The following CBX3 variants were observed in gnomAD, a reference collection of about 807,000 sequenced individuals.
CBX3 encodes the protein chromobox protein homolog 3.
In CBX3, 5 loss-of-function variants were observed where a neutral mutation model predicts 22.6. The observed-to-expected ratio is 0.22, with a 90% CI of 0.12 to 0.47. The LOEUF is 0.47. Among genes scored for constraint, CBX3 ranks in the 20% least tolerant of loss-of-function variants. CBX3 has a pLI of 0.99. For synonymous variants in CBX3, 50 were observed against 66.6 expected, an observed-to-expected ratio of 0.75 and a Z score of 1.21; for missense variants, 83 against 208.1, an observed-to-expected ratio of 0.40 and a Z score of 3.70.
chr7:26,211,113 C>A (rs2128138678), intron 4 of CBX3, among the ~76,000 whole-genome samples: 1 of 149,834 alleles, frequency 6.7e-6, no homozygotes, highest in African/African-American at 2.5e-5. Context: ...AAGAAAGTTT[C>A]AATGTTTTAA....
chr7:26,213,140 A>G lies in CBX3; in HGVS notation c.*932A>G, dbSNP rs1784848357. On this transcript the variant is annotated 3_prime_UTR_variant, in exon 6 of 6. Coordinates refer to ENST00000396386, the MANE Select transcript of CBX3 (RefSeq NM_016587.4). ...TAGGACCTGCTGTCATAAATGTGTGAACAACCTTTTGTAACCTAACCTATT... is the reference window on the plus strand; with the variant it reads ...TAGGACCTGCTGTCATAAATGTGTGGACAACCTTTTGTAACCTAACCTATT... 1 of 152,612 alleles carries G rather than the reference A, an allele frequency of 6.6e-6. No individual in the cohort carries two copies. The highest frequency in any genetic ancestry group is 6.5e-5 in the Admixed American group (1 of 15,280). 9.5% of individuals were successfully genotyped at this position (152,612 alleles called of 1,614,324 possible).
rs142550836 is a variant in CBX3, at chr7:26,208,519, A to G, written c.294A>G (p.Glu98=). ...AAAGAAAATCTTTATCTGACAGTGA[A>G]TCTGATGACAGCAAATCAAAGAAGA... is the stretch of plus-strand genomic sequence containing the variant. ...GTKRKSLSDS[E]SDDSKSKKKR... Residue 98 remains glutamate, a synonymous_variant, in exon 4 of 6, where the codon GAA becomes GAG. Transcript: ENST00000396386. 1,147 of 1,613,796 alleles carry G rather than the reference A, an allele frequency of 7.1e-4. 1 individual carries two copies. Among genetic ancestry groups the G allele is most frequent in the Non-Finnish European group, 9.3e-4 (1,098 of 1,179,766 alleles).
In CBX3 at chr7:26,212,661, C is replaced by T. The variant is rs1367698907; in HGVS notation, c.*453C>T. 1.3e-5 allele frequency: 2 copies of T among 151,406 alleles called. No individual in the cohort carries two copies. The highest frequency in any genetic ancestry group is 4.9e-5 in the African/African-American group (2 of 41,120). 9.4% of individuals were successfully genotyped at this position (151,406 alleles called of 1,614,324 possible). On this transcript the variant is annotated 3_prime_UTR_variant, in exon 6 of 6. Transcript: ENST00000396386. ...TTTTTTTTTGTTTTTAAGCATTCAC[C>T]CAAACAAAAAAATCACAGGTAAACC...
At position 26,202,983 on chromosome 7, in the gene CBX3, A is replaced by T. The variant is rs757898551; in HGVS notation, c.-16A>T. On this transcript the variant is annotated 5_prime_UTR_variant, in exon 2 of 6. Transcript: ENST00000396386. The stretch of plus-strand genomic sequence containing the variant: ...TGCATTTTTCTAGTAATAGCTCTTC[A>T]AGTCTGCAATAAAAAATGGCCTCCA... 11 of 1,604,022 alleles carry T rather than the reference A, an allele frequency of 6.9e-6. No homozygotes were observed. In the South Asian group the frequency reaches 1.2e-4, roughly 18 times the overall value.
intron 4 of CBX3, among the ~76,000 whole-genome samples, chr7:26,210,781 T>C (rs1363836832): frequency 1.3e-5 from 2 of 152,182 alleles, no homozygotes; most frequent in Middle Eastern, 3.2e-3. Flanking sequence ...TCAACATGTG[T>C]CTTAAGGCAA....
chr7:26,209,186 C>T (rs1784750371), intron 4 of CBX3, among the ~76,000 whole-genome samples: 1 of 152,024 alleles, frequency 6.6e-6, no homozygotes, highest in Non-Finnish European at 1.5e-5. Flanking sequence ...GGATTACAGG[C>T]GTGAACCACC....
rs1321731481 is a variant in CBX3 at position 26,208,575 on chromosome 7, C to G, written c.330+20C>G. The G allele has an allele frequency of 1.9e-6, 3 of 1,560,150 alleles. No homozygotes were observed. In the African/African-American group the frequency reaches 4.1e-5, roughly 21 times the overall value. On this transcript the variant is annotated intron_variant, in intron 4 of 5. Coordinates refer to ENST00000396386, the MANE Select transcript of CBX3 (RefSeq NM_016587.4). The stretch of plus-strand genomic sequence containing the variant: ...GATGCTGTAAGTATAAAATATTGCC[C>G]ACCAGCTTGTCCTTTTGTAAAAGGT...
rs1268386074 is a variant in CBX3, at chr7:26,213,387, C to T, written c.*1179C>T. ...AGACTTTTTTCTTTATTTGATATGC[C>T]TTTACAGTAGAAATAGAAATGCCCA... On this transcript the variant is annotated 3_prime_UTR_variant, in exon 6 of 6. Coordinates refer to ENST00000396386, the MANE Select transcript of CBX3 (RefSeq NM_016587.4). 2 of 145,134 alleles carry T rather than the reference C, an allele frequency of 1.4e-5. No individual in the cohort carries two copies. The highest frequency in any genetic ancestry group is 3.1e-5 in the Non-Finnish European group (2 of 64,720). The allele number at this position is 145,134 out of a possible 1,614,324, so 9.0% of individuals were successfully genotyped here.
At position 26,212,858 on chromosome 7, in the gene CBX3, T is replaced by C. The variant is rs1462919751; in HGVS notation, c.*650T>C. The C allele has an allele frequency of 6.6e-6, 1 of 152,280 alleles. No individual in the cohort carries two copies. The highest frequency in any genetic ancestry group is 6.5e-5 in the Admixed American group (1 of 15,290). The allele number at this position is 152,280 out of a possible 1,614,324, so 9.4% of individuals were successfully genotyped here. ...AATTGCAGTGGTTTATTTGCAAAAT[T>C]CCTAAAAGGAAAAATTTTATCACTG... On this transcript the variant is annotated 3_prime_UTR_variant, in exon 6 of 6. Transcript: ENST00000396386.
At chr7:26,207,089 T>G (rs1462652299) in intron 3 of CBX3, among the ~76,000 whole-genome samples, 1 of 152,224 alleles carries the variant, frequency 6.6e-6, no homozygotes, top group Non-Finnish European at 1.5e-5. Context: ...GGGTTTGTTG[T>G]GCTTATCTGC....
intron 3 of CBX3, 126 bp from the exon 4 acceptor site, chr7:26,208,267 A>G: frequency 1.6e-6 from 1 of 640,136 alleles, no homozygotes; most frequent in Non-Finnish European, 2.5e-6. Flanking sequence ...GAAGGAGGAA[A>G]TGATTAGTAT....
intron 2 of CBX3, among the ~76,000 whole-genome samples, chr7:26,204,798 T>C (rs1003673676): frequency 6.6e-6 from 1 of 152,136 alleles, no homozygotes; most frequent in Non-Finnish European, 1.5e-5. Context: ...TTTGTTTTTG[T>C]GTTTTTTTGA....
intron 2 of CBX3, among the ~76,000 whole-genome samples, chr7:26,204,316 T>C (rs1398712249): frequency 2.0e-5 from 3 of 152,218 alleles, no homozygotes; most frequent in African/African-American, 7.2e-5. Flanking sequence ...TCTCCCTTTG[T>C]GGCAGTAGCT....
chr7:26,206,131 G>A, intron 2 of CBX3: 1 of 406,880 alleles, frequency 2.5e-6, no homozygotes, highest in Non-Finnish European at 4.3e-6. Flanking sequence ...TTTCCAGATA[G>A]TGTTTTTTTA....
At chr7:26,211,091 A>C (rs1325508411) in intron 4 of CBX3, among the ~76,000 whole-genome samples, 1 of 152,040 alleles carries the variant, frequency 6.6e-6, no homozygotes, top group Non-Finnish European at 1.5e-5. Context: ...AAAAAAAAAA[A>C]AAAAAAATCG....
intron 5 of CBX3, 88 bp from the exon 6 acceptor site, chr7:26,211,994 G>A: frequency 2.4e-6 from 3 of 1,227,598 alleles, no homozygotes; most frequent in Non-Finnish European, 3.3e-6. Context: ...AATACCTTTT[G>A]TTTGGACTAT....
chr7:26,205,087 C>T (rs1784644611), intron 2 of CBX3, among the ~76,000 whole-genome samples: 1 of 152,212 alleles, frequency 6.6e-6, no homozygotes, highest in African/African-American at 2.4e-5. Context: ...CTGCCCCCGG[C>T]AATAGCATTT....
rs1482667092 is a variant in CBX3, at chr7:26,213,135, G to A, written c.*927G>A. 1 of 152,602 alleles carries A rather than the reference G, an allele frequency of 6.6e-6. No individual in the cohort carries two copies. The highest frequency in any genetic ancestry group is 2.1e-4 in the South Asian group (1 of 4,828). The allele number at this position is 152,602 out of a possible 1,614,324, so 9.5% of individuals were successfully genotyped here. The stretch of plus-strand genomic sequence containing the variant: ...CAGTTTAGGACCTGCTGTCATAAAT[G>A]TGTGAACAACCTTTTGTAACCTAAC... On this transcript the variant is annotated 3_prime_UTR_variant, in exon 6 of 6. Transcript: ENST00000396386.
At chr7:26,204,816 T>A (rs1188361588) in intron 2 of CBX3, among the ~76,000 whole-genome samples, 1 of 151,872 alleles carries the variant, frequency 6.6e-6, no homozygotes, top group East Asian at 1.9e-4. Context: ...TGAGACAGAG[T>A]TTTTCTCTTG....
Sources: allele counts gnomAD v4.1 joint callset (sites outside exome capture counted in the v4.1 genomes callset), GRCh38; gene constraint gnomAD v4.1.1; transcripts MANE v1.5; gene names NCBI Gene and HGNC (gene_info 2026-07-23, HGNC 2026-07-21).